BRAF: variants seen among roughly 807,000 people sequenced by gnomAD.
The protein encoded by BRAF is serine/threonine-protein kinase B-raf.
BRAF carries 16 observed loss-of-function variants against 104.6 expected under a neutral mutation model. The ratio of observed to expected loss-of-function variants is 0.15; its 90% confidence interval spans 0.10 to 0.23. BRAF has a LOEUF of 0.23. Among genes scored for constraint, BRAF ranks in the 10% least tolerant of loss-of-function variants. The probability of loss-of-function intolerance (pLI) is 1.00; values close to 1 mark genes in which losing one functional copy is unlikely to be tolerated. For synonymous variants in BRAF, 310 were observed against 341.6 expected, an observed-to-expected ratio of 0.91 and a Z score of 1.02; for missense variants, 541 against 937.3, an observed-to-expected ratio of 0.58 and a Z score of 5.52.
intron 1 of BRAF, among the ~76,000 whole-genome samples, chr7:140,911,701 T>C (rs1488999276): frequency 6.6e-6 from 1 of 152,200 alleles, no homozygotes; most frequent in African/African-American, 2.4e-5. Context: ...GATGAGATTA[T>C]GTTATTCTAC....
intron 3 of BRAF, among the ~76,000 whole-genome samples, chr7:140,812,858 A>G (rs1211440035): frequency 1.3e-5 from 2 of 152,230 alleles, no homozygotes; most frequent in East Asian, 1.9e-4. Context: ...TCCATACTTC[A>G]TATTGTATAC....
At chr7:140,791,937 GTA>G (rs1393432949) in intron 8 of BRAF, among the ~76,000 whole-genome samples, 2 of 152,172 alleles carry the variant, frequency 1.3e-5, no homozygotes, top group East Asian at 3.9e-4. Context: ...TGTAATCTGG[GTA>G]TGTTTCTTAA....
chr7:140,914,047 C>A (rs1817311830), intron 1 of BRAF, among the ~76,000 whole-genome samples: 1 of 152,068 alleles, frequency 6.6e-6, no homozygotes, highest in African/African-American at 2.4e-5. Context: ...TTAACTAGAG[C>A]CCTGTGCTAA....
chr7:140,856,533 G>T (rs999445804), intron 1 of BRAF, among the ~76,000 whole-genome samples: 1 of 152,116 alleles, frequency 6.6e-6, no homozygotes, highest in African/African-American at 2.4e-5. Flanking sequence ...TAAAGAAGAA[G>T]CATGAGGAAA....
chr7:140,891,478 CTGTAT>C lies in BRAF; in HGVS notation c.138+33083_138+33087del, dbSNP rs531686427. Reference sequence around the variant, plus strand: ...AAATGTTATATAAATAGTTGTTATACTGTATTATCTTGTATTTGTATTATTGTATT... The same window carrying C: ...AAATGTTATATAAATAGTTGTTATACTATCTTGTATTTGTATTATTGTATT... On this transcript the variant is annotated intron_variant, in intron 1 of 19. Coordinates refer to ENST00000644969, the MANE Select transcript of BRAF (RefSeq NM_001374258.1). Among the ~76,000 whole-genome samples the C allele has an allele frequency of 3.3e-5, 5 of 152,154 alleles. No individual in the cohort carries two copies. In the South Asian group the frequency reaches 1.0e-3, roughly 32 times the overall value.
At chr7:140,762,283 A>G (rs568620913) in intron 14 of BRAF, among the ~76,000 whole-genome samples, 62 of 152,350 alleles carry the variant, frequency 4.1e-4, no homozygotes, top group African/African-American at 1.5e-3. Flanking sequence ...CTGCTCCTGA[A>G]TGACTACTGG....
At position 140,719,491 on chromosome 7, in the gene BRAF, G is replaced by T; in HGVS notation, c.*7003C>A. The T allele has an allele frequency of 9.8e-7, 1 of 1,023,404 alleles. No individual in the cohort carries two copies. The highest frequency in any genetic ancestry group is 1.2e-6 in the Non-Finnish European group (1 of 847,156). The allele number at this position is 1,023,404 out of a possible 1,614,324, so 63.4% of individuals were successfully genotyped here. The stretch of plus-strand genomic sequence containing the variant: ...TCAGCTATCTTTTTTTATTCTCCAT[G>T]CTTTCTATCCAAACTGAACAATATT... On this transcript the variant is annotated 3_prime_UTR_variant, in exon 20 of 20. Coordinates refer to ENST00000644969, the MANE Select transcript of BRAF (RefSeq NM_001374258.1).
chr7:140,871,173 C>T (rs905660064), intron 1 of BRAF, among the ~76,000 whole-genome samples: 1 of 131,778 alleles, frequency 7.6e-6, no homozygotes, highest in Non-Finnish European at 1.6e-5. Flanking sequence ...ATCCGGGAGG[C>T]GGAGCTTGCA....
chr7:140,884,460 T>C lies in BRAF; in HGVS notation c.139-34248A>G, dbSNP rs1055660024. 2.0e-3 allele frequency among the ~76,000 whole-genome samples: 304 copies of C among 150,602 alleles called. 2 individuals carry two copies. The highest frequency in any genetic ancestry group is 0.014 in the Middle Eastern group (4 of 292). On this transcript the variant is annotated intron_variant, in intron 1 of 19. Coordinates refer to ENST00000644969, the MANE Select transcript of BRAF (RefSeq NM_001374258.1). ...GTGTGTGTGTGTGTGTGTGTGTGTGTGTGTGTGTGTGTGTGTATAAAAATA... is the reference window on the plus strand; with the variant it reads ...GTGTGTGTGTGTGTGTGTGTGTGTGCGTGTGTGTGTGTGTGTATAAAAATA...
At chr7:140,842,164 C>A (rs1808037229) in intron 2 of BRAF, among the ~76,000 whole-genome samples, 1 of 152,044 alleles carries the variant, frequency 6.6e-6, no homozygotes, top group Admixed American at 6.6e-5. Flanking sequence ...AGAAAGGCTG[C>A]CAAGTGTAAG....
In BRAF at chr7:140,890,841, T is replaced by C. The variant is rs550282890; in HGVS notation, c.138+33725A>G. On this transcript the variant is annotated intron_variant, in intron 1 of 19. Transcript: ENST00000644969. ...CAAAAGGAAGCATATTTTAATTTTCTATTATGAGAGTAAAATGAGATTATT... is the reference window on the plus strand; with the variant it reads ...CAAAAGGAAGCATATTTTAATTTTCCATTATGAGAGTAAAATGAGATTATT... Among the ~76,000 whole-genome samples, 7 of 152,338 alleles carry C rather than the reference T, an allele frequency of 4.6e-5. No individual in the cohort carries two copies. In the South Asian group the frequency reaches 1.4e-3, roughly 32 times the overall value.
At chr7:140,855,031 C>T (rs1257668867) in intron 1 of BRAF, among the ~76,000 whole-genome samples, 1 of 151,952 alleles carries the variant, frequency 6.6e-6, no homozygotes, top group African/African-American at 2.4e-5. Context: ...TTTTTATCTC[C>T]CCAAAGAAGA....
chr7:140,725,497 A>T lies in BRAF; in HGVS notation c.*997T>A. On this transcript the variant is annotated 3_prime_UTR_variant, in exon 20 of 20. Coordinates refer to ENST00000644969, the MANE Select transcript of BRAF (RefSeq NM_001374258.1). Reference sequence around the variant, plus strand: ...AAAAATAGAAAAGAAGAAACTCAGAAATTAAAACCTGTACCTTATATTTAA... The same window carrying T: ...AAAAATAGAAAAGAAGAAACTCAGATATTAAAACCTGTACCTTATATTTAA... 1 of 965,630 alleles carries T rather than the reference A, an allele frequency of 1.0e-6. No individual in the cohort carries two copies. Among genetic ancestry groups the T allele is most frequent in the Non-Finnish European group, 1.3e-6 (1 of 795,004 alleles). 59.8% of individuals were successfully genotyped at this position (965,630 alleles called of 1,614,324 possible).
At chr7:140,821,823 A>G (rs921720525) in intron 3 of BRAF, among the ~76,000 whole-genome samples, 2 of 152,220 alleles carry the variant, frequency 1.3e-5, no homozygotes, top group African/African-American at 4.8e-5. Context: ...CATATGCACC[A>G]TGGAATACTA....
chr7:140,890,247 G>A lies in BRAF; in HGVS notation c.138+34319C>T, dbSNP rs557935996. On this transcript the variant is annotated intron_variant, in intron 1 of 19. Transcript: ENST00000644969. ...AAATGATAAATGAATTAAATATCCA[G>A]TTCATTATTTTTAATCATAAAATTA... is the stretch of plus-strand genomic sequence containing the variant. 7.9e-5 allele frequency among the ~76,000 whole-genome samples: 12 copies of A among 152,136 alleles called. No homozygotes were observed. In the South Asian group the frequency reaches 1.5e-3, roughly 18 times the overall value.
chr7:140,801,270 C>T, intron 6 of BRAF, 142 bp downstream of exon 6: 4 of 849,204 alleles, frequency 4.7e-6, no homozygotes, highest in Non-Finnish European at 1.9e-6. Context: ...ACATATTATT[C>T]TCTAACTACA....
Position 140,827,958 on chromosome 7 carries a change from G to A in BRAF, c.504+6651C>T, listed in dbSNP as rs546669875. Among the ~76,000 whole-genome samples the A allele has an allele frequency of 1.6e-3, 240 of 152,126 alleles. 1 individual carries two copies. The highest frequency in any genetic ancestry group is 2.5e-3 in the Non-Finnish European group (167 of 67,986). Reference sequence around the variant, plus strand: ...GTTGCCCCGGCTGGAGTGCAACGGCGCAATCTCGGCTCACCGCAACCTCCA... The same window carrying A: ...GTTGCCCCGGCTGGAGTGCAACGGCACAATCTCGGCTCACCGCAACCTCCA... On this transcript the variant is annotated intron_variant, in intron 3 of 19. Coordinates refer to ENST00000644969, the MANE Select transcript of BRAF (RefSeq NM_001374258.1).
chr7:140,719,175 AACTT>A (rs750715902), downstream of BRAF, among the ~76,000 whole-genome samples: 5 of 152,264 alleles, frequency 3.3e-5, no homozygotes, highest in African/African-American at 7.2e-5. Flanking sequence ...GAAACTTGAC[AACTT>A]ACTTGAACTT....
chr7:140,773,011 C>G (rs1799996896), intron 14 of BRAF, among the ~76,000 whole-genome samples: 3 of 152,144 alleles, frequency 2.0e-5, no homozygotes, highest in African/African-American at 7.2e-5. Context: ...TTTGTTGCTG[C>G]TGTTACATGA....
Sources: allele counts gnomAD v4.1 joint callset (sites outside exome capture counted in the v4.1 genomes callset), GRCh38; gene constraint gnomAD v4.1.1; transcripts MANE v1.5; gene names NCBI Gene and HGNC (gene_info 2026-07-23, HGNC 2026-07-21).